Variants in RPL4 observed in about 807,000 individuals in gnomAD.
RPL4 encodes ribosomal protein L4.
Under a neutral mutation model 47.7 loss-of-function variants are expected in RPL4, and 3 were observed. The observed-to-expected ratio is 0.06, with a 90% CI of 0.03 to 0.16. The LOEUF (loss-of-function observed/expected upper bound fraction) is 0.16. RPL4 is among the 10% of genes least tolerant of loss of function. RPL4 has a pLI of 1.00. For missense variants in RPL4, 413 were observed against 551.3 expected (o/e 0.75, Z 2.51); for synonymous variants, 208 against 182.1 (o/e 1.14, Z -1.15).
chr15:66,501,337 G>C lies in RPL4; in HGVS notation c.676+38C>G, dbSNP rs371103900. 3.6e-5 allele frequency: 58 copies of C among 1,613,234 alleles called. No homozygotes were observed. In the African/African-American group the frequency reaches 6.7e-4, roughly 19 times the overall value. On this transcript the variant is annotated intron_variant, in intron 6 of 9. Transcript: ENST00000307961. ...ATAACAAAAGCTGAGTAGACTTGCA[G>C]AGTATACCTAGTCAATATATGTAAG...
intron 6 of RPL4, 32 bp downstream of exon 6, chr15:66,501,343 A>G (rs1240926407): frequency 6.8e-6 from 11 of 1,613,382 alleles, no homozygotes; most frequent in Middle Eastern, 1.6e-4. Flanking sequence ...TGCAGAGTAT[A>G]CCTAGTCAAT....
Position 66,502,599 on chromosome 15 carries a change from A to C in RPL4, c.421+13T>G. ...TTCTTCTATCAAACTCTCTTATATA[A>C]AGTATTACAAACCTTTAGACATGAC... On this transcript the variant is annotated intron_variant, in intron 4 of 9. Coordinates refer to ENST00000307961, the MANE Select transcript of RPL4 (RefSeq NM_000968.4). The C allele has an allele frequency of 6.2e-7, 1 of 1,609,322 alleles. No homozygotes were observed. Among genetic ancestry groups the C allele is most frequent in the Non-Finnish European group, 8.5e-7 (1 of 1,179,096 alleles).
chr15:66,502,828 T>A (rs1893648769), intron 3 of RPL4, 78 bp from the exon 4 acceptor site: 8 of 1,603,364 alleles, frequency 5.0e-6, no homozygotes, highest in Non-Finnish European at 6.8e-6. Flanking sequence ...GTAAGAATTT[T>A]CGTCAACCTT....
intron 6 of RPL4, 37 bp downstream of exon 6, chr15:66,501,338 A>T: frequency 1.2e-6 from 2 of 1,613,724 alleles, no homozygotes; most frequent in Non-Finnish European, 1.7e-6. Flanking sequence ...AGACTTGCAG[A>T]GTATACCTAG....
chr15:66,500,411 G>C, intron 7 of RPL4, 35 bp from the exon 8 acceptor site: 2 of 1,579,056 alleles, frequency 1.3e-6, no homozygotes, highest in Non-Finnish European at 1.7e-6. Flanking sequence ...ACATGTAAAA[G>C]TAATCAACCA....
chr15:66,500,942 T>C lies in RPL4; in HGVS notation c.833+7A>G, dbSNP rs1346214201. 3.1e-6 allele frequency: 5 copies of C among 1,613,234 alleles called. No homozygotes were observed. The South Asian group carries it at 3.3e-5, about 11-fold the overall frequency. On this transcript the variant is annotated splice_region_variant and intron_variant, in intron 7 of 9. Coordinates refer to ENST00000307961, the MANE Select transcript of RPL4 (RefSeq NM_000968.4). ...ACATCTGTGCTTAGTATATGAAAGA[T>C]ACTTACTTGTAGTTACTCTTGAGGG...
chr15:66,499,871 A>C, intron 9 of RPL4, 185 bp downstream of exon 9: 1 of 938,528 alleles, frequency 1.1e-6, no homozygotes, highest in East Asian at 2.6e-5. Context: ...GAAAATACAA[A>C]AATTAGCCGG....
intron 3 of RPL4, 47 bp downstream of exon 3, chr15:66,503,011 A>G (rs752985037): frequency 7.1e-6 from 11 of 1,554,808 alleles, no homozygotes; most frequent in Admixed American, 3.4e-5. Flanking sequence ...CCAGGCCGCT[A>G]AATTCCATCA....
rs906508099 is a variant in RPL4, at chr15:66,498,306, G to C, written c.*1101C>G. 4 of 152,608 alleles carry C rather than the reference G, an allele frequency of 2.6e-5. No homozygotes were observed. Among genetic ancestry groups the C allele is most frequent in the Non-Finnish European group, 5.9e-5 (4 of 68,326 alleles). 9.5% of individuals were successfully genotyped at this position (152,608 alleles called of 1,614,324 possible). A position where few individuals can be genotyped will look rare whatever the true frequency, so the allele number is the denominator to read the frequency against. ...AAATAAAGCCGTGCTAAGAAACGACGTGCTTAAGAACTGAGATTTGGCCCT... is the reference window on the plus strand; with the variant it reads ...AAATAAAGCCGTGCTAAGAAACGACCTGCTTAAGAACTGAGATTTGGCCCT... On this transcript the variant is annotated 3_prime_UTR_variant, in exon 10 of 10. Coordinates refer to ENST00000307961, the MANE Select transcript of RPL4 (RefSeq NM_000968.4).
chr15:66,502,169 C>A, intron 4 of RPL4: 1 of 595,280 alleles, frequency 1.7e-6, no homozygotes. Context: ...TAAACTACTA[C>A]TTGAATAGTT....
chr15:66,504,329 G>A (rs563514415), intron 1 of RPL4, among the ~76,000 whole-genome samples: 1 of 152,268 alleles, frequency 6.6e-6, no homozygotes, highest in Admixed American at 6.5e-5. Context: ...ACACTACATA[G>A]TATATACGAA....
rs373038974 is a variant in RPL4 at position 66,500,869 on chromosome 15, T to C, written c.833+80A>G. 21 of 1,507,356 alleles carry C rather than the reference T, an allele frequency of 1.4e-5. No homozygotes were observed. The East Asian group carries it at 2.0e-4, about 15-fold the overall frequency. The allele number at this position is 1,507,356 out of a possible 1,614,324, so 93.4% of individuals were successfully genotyped here. ...GCACATAAGGGGAAATGGGAATAAA[T>C]TTAGAAAACATGTAAGCCAATTCTG... On this transcript the variant is annotated intron_variant, in intron 7 of 9. Transcript: ENST00000307961.
intron 1 of RPL4, 72 bp downstream of exon 1, chr15:66,504,716 C>A: frequency 1.3e-6 from 2 of 1,592,242 alleles, no homozygotes; most frequent in Non-Finnish European, 8.6e-7. Context: ...AGATTCTATG[C>A]TCCGAACCCC....
chr15:66,499,912 A>T, intron 9 of RPL4, 144 bp downstream of exon 9: 1 of 1,092,812 alleles, frequency 9.2e-7, no homozygotes, highest in Non-Finnish European at 1.3e-6. Context: ...AGTGCCAGCT[A>T]CTTGGGAGGC....
Position 66,499,573 on chromosome 15 carries a change from C to T in RPL4, c.1118G>A (p.Gly373Asp), listed in dbSNP as rs1893561822. ...AKSDEKAAVAGKKPVVGKKGK... is the reference protein window; with the variant it reads ...AKSDEKAAVADKKPVVGKKGK... ...TTTCTTACCTACCACAGGCTTCTTG[C>T]CTGCAACCGCCGCCTTCTCATCTGA... is the stretch of plus-strand genomic sequence containing the variant. The change falls in exon 10 of 10, where the codon GGC (glycine) becomes GAC (aspartate). Residue 373 changes from glycine to aspartate, a missense_variant. Physicochemically the swap from Gly to Asp is moderately conservative, Grantham distance 94 (BLOSUM62 -1). Around this residue, in one of 4 missense-constraint regions of RPL4, gnomAD observed 134 missense variants for 122.7 expected, o/e 1.09. Transcript: ENST00000307961. The T allele has an allele frequency of 6.2e-7, 1 of 1,613,914 alleles. No individual in the cohort carries two copies.
Position 66,504,827 on chromosome 15 carries a change from G to T in RPL4, c.-37C>A, listed in dbSNP as rs373826256. 2 of 1,608,778 alleles carry T rather than the reference G, an allele frequency of 1.2e-6. No individual in the cohort carries two copies. The highest frequency in any genetic ancestry group is 1.3e-5 in the African/African-American group (1 of 74,938). On this transcript the variant is annotated 5_prime_UTR_variant, in exon 1 of 10. Coordinates refer to ENST00000307961, the MANE Select transcript of RPL4 (RefSeq NM_000968.4). ...GAGACAGCCACGCTCCTCTCAGCCC[G>T]GCTGCTGCCACAGGAAAAGGAAGTG...
At chr15:66,504,283 GTGTC>G (rs1893699296) in intron 1 of RPL4, among the ~76,000 whole-genome samples, 1 of 152,194 alleles carries the variant, frequency 6.6e-6, no homozygotes, top group African/African-American at 2.4e-5. Flanking sequence ...AGTCAGGACA[GTGTC>G]TGTTTTGTTC....
Position 66,502,591 on chromosome 15 carries a change from CT to C in RPL4, c.421+20del. 6.2e-7 allele frequency: 1 copy of C among 1,607,812 alleles called. No individual in the cohort carries two copies. The highest frequency in any genetic ancestry group is 8.5e-7 in the Non-Finnish European group (1 of 1,178,570). ...TGTCTTATTTCTTCTATCAAACTCT[CT>C]TATATAAAGTATTACAAACCTTTAG... On this transcript the variant is annotated intron_variant, in intron 4 of 9. Transcript: ENST00000307961.
chr15:66,502,511 C>A (rs527777401), intron 4 of RPL4, 101 bp downstream of exon 4: 1 of 1,208,668 alleles, frequency 8.3e-7, no homozygotes, highest in Non-Finnish European at 1.2e-6. Context: ...TCTCTTCTAG[C>A]CATCTTGAAA....
Sources: allele counts gnomAD v4.1 joint callset (sites outside exome capture counted in the v4.1 genomes callset), GRCh38; gene constraint gnomAD v4.1.1; regional missense constraint gnomAD v4.1.1; transcripts MANE v1.5; gene names NCBI Gene and HGNC (gene_info 2026-07-23, HGNC 2026-07-21).